ITGA11: variants seen among roughly 807,000 people sequenced by gnomAD.
ITGA11 encodes integrin subunit alpha 11.
A neutral mutation model predicts 141.9 loss-of-function variants in ITGA11; 97 were observed. The observed-to-expected ratio is 0.68, with a 90% confidence interval of 0.58 to 0.81. The LOEUF (loss-of-function observed/expected upper bound fraction) is 0.81, where lower values mean the gene tolerates loss of function less well. Ranked by LOEUF, ITGA11 falls within the 30% of genes least tolerant of loss-of-function variation. The probability of loss-of-function intolerance (pLI) is 0.00; values close to 1 mark genes in which losing one functional copy is unlikely to be tolerated. For synonymous variants in ITGA11, 658 were observed against 624.6 expected (o/e 1.05, Z -0.80); for missense variants, 1,387 against 1,559.2 (o/e 0.89, Z 1.86).
In ITGA11 at chr15:68,401,692, A is replaced by G. The variant is rs566814833; in HGVS notation, c.164+1226T>C. 2.1e-4 allele frequency among the ~76,000 whole-genome samples: 32 copies of G among 152,188 alleles called. No homozygotes were observed. The East Asian group carries it at 6.2e-3, about 29-fold the overall frequency. On this transcript the variant is annotated intron_variant, in intron 2 of 29. Transcript: ENST00000315757. ...CAGCATAGTGGGTCCCTGGAGGGGC[A>G]CTGGCTGGGGCGGGGGTGAGTGGGC...
intron 1 of ITGA11, among the ~76,000 whole-genome samples, chr15:68,430,045 G>A (rs899152071): frequency 6.6e-6 from 1 of 152,142 alleles, no homozygotes; most frequent in African/African-American, 2.4e-5. Flanking sequence ...TTGCACACAC[G>A]CTAGGGCCCC....
intron 2 of ITGA11, among the ~76,000 whole-genome samples, chr15:68,386,399 A>G (rs1386385647): frequency 6.6e-6 from 1 of 152,026 alleles, no homozygotes; most frequent in Non-Finnish European, 1.5e-5. Context: ...AGCCCTTTCC[A>G]TGTCTGGCCA....
chr15:68,326,513 AG>A lies in ITGA11; in HGVS notation c.2211+140del, dbSNP rs569645225. Reference sequence around the variant, plus strand: ...ATGAGGTGGGAATGTGGAGTGGCCAAGGTCAGGGTACACTGTCCCTGGCTGG... The same window carrying A: ...ATGAGGTGGGAATGTGGAGTGGCCAAGTCAGGGTACACTGTCCCTGGCTGG... On this transcript the variant is annotated intron_variant, in intron 17 of 29. Transcript: ENST00000315757. This position sits in a 1 kb window ranked among gnomAD's most constrained non-coding sequence, Gnocchi z 6.8. The A allele has an allele frequency of 1.3e-3, 1,049 of 831,954 alleles. 4 individuals carry two copies. The highest frequency in any genetic ancestry group is 1.8e-3 in the Non-Finnish European group (993 of 553,434). The allele number at this position is 831,954 out of a possible 1,614,324, so 51.5% of individuals were successfully genotyped here. A position where few individuals can be genotyped will look rare whatever the true frequency, so the allele number is the denominator to read the frequency against.
chr15:68,339,744 C>G, intron 10 of ITGA11, 100 bp from the exon 11 acceptor site: 1 of 1,368,888 alleles, frequency 7.3e-7, no homozygotes, highest in Non-Finnish European at 1.0e-6. Context: ...CACCAGCCAC[C>G]TCGGGCACCT....
chr15:68,316,288 C>T (rs1000803615), intron 21 of ITGA11, among the ~76,000 whole-genome samples: 7 of 152,350 alleles, frequency 4.6e-5, no homozygotes, highest in Admixed American at 4.6e-4. Flanking sequence ...CTGACCTGGG[C>T]CCTGATACTC....
rs963196204 is a variant in ITGA11, at chr15:68,300,133, A to C, written c.*2926T>G. 2 of 152,260 alleles carry C rather than the reference A, an allele frequency of 1.3e-5. No homozygotes were observed. The highest frequency in any genetic ancestry group is 2.9e-5 in the Non-Finnish European group (2 of 68,042). The allele number at this position is 152,260 out of a possible 1,614,324, so 9.4% of individuals were successfully genotyped here. On this transcript the variant is annotated 3_prime_UTR_variant, in exon 30 of 30. Transcript: ENST00000315757. ...AATATTAAATCCAGATGGCTGTTCT[A>C]CAAGTTTAATGTGCTTAGAATTACC...
chr15:68,301,448 C>T lies in ITGA11; in HGVS notation c.*1611G>A, dbSNP rs1365551044. ...GAAGCTACAGTGAAACATTTAGGTC[C>T]TAACCGTCCACACTGGCCATAGATG... On this transcript the variant is annotated 3_prime_UTR_variant, in exon 30 of 30. Transcript: ENST00000315757. This position sits in a 1 kb window ranked among gnomAD's most constrained non-coding sequence, Gnocchi z 4.4. The T allele has an allele frequency of 6.6e-6, 1 of 152,250 alleles. No homozygotes were observed. Among genetic ancestry groups the T allele is most frequent in the Non-Finnish European group, 1.5e-5 (1 of 68,094 alleles). The allele number at this position is 152,250 out of a possible 1,614,324, so 9.4% of individuals were successfully genotyped here. A position where few individuals can be genotyped will look rare whatever the true frequency, so the allele number is the denominator to read the frequency against.
At chr15:68,339,793 G>T (rs922142433) in intron 10 of ITGA11, 149 bp from the exon 11 acceptor site, 2 of 831,572 alleles carry the variant, frequency 2.4e-6, no homozygotes, top group Middle Eastern at 3.0e-4. Flanking sequence ...ACTTCTGGCT[G>T]GGGCTCTTGG....
intron 1 of ITGA11, among the ~76,000 whole-genome samples, chr15:68,418,869 G>GC (rs972270327): frequency 2.0e-5 from 3 of 151,690 alleles, no homozygotes; most frequent in South Asian, 2.1e-4. Context: ...TGTGGGATGA[G>GC]CCCCAGCCCA....
intron 2 of ITGA11, among the ~76,000 whole-genome samples, chr15:68,399,089 G>A (rs930110739): frequency 6.6e-6 from 1 of 151,810 alleles, no homozygotes; most frequent in African/African-American, 2.4e-5. Flanking sequence ...AAATTTATAT[G>A]GAAACATAAA....
chr15:68,422,967 T>C (rs1897054868), intron 1 of ITGA11, among the ~76,000 whole-genome samples: 1 of 152,240 alleles, frequency 6.6e-6, no homozygotes, highest in Admixed American at 6.5e-5. Flanking sequence ...TCTCATCTTT[T>C]ATCCCCCAGA....
intron 2 of ITGA11, among the ~76,000 whole-genome samples, chr15:68,370,791 T>C (rs1010112960): frequency 1.3e-5 from 2 of 152,184 alleles, no homozygotes; most frequent in Admixed American, 6.5e-5. Flanking sequence ...TTCCAGCAGC[T>C]TCCCACTGCC....
chr15:68,392,762 C>A (rs1003132533), intron 2 of ITGA11, among the ~76,000 whole-genome samples: 1 of 152,072 alleles, frequency 6.6e-6, no homozygotes, highest in African/African-American at 2.4e-5. Context: ...TTTGAGACCC[C>A]AGAAAATCTA....
chr15:68,359,262 G>A (rs1245653194), intron 5 of ITGA11, among the ~76,000 whole-genome samples: 1 of 152,180 alleles, frequency 6.6e-6, no homozygotes, highest in Non-Finnish European at 1.5e-5. Context: ...AAACCACTGA[G>A]TTAATATGGT....
At chr15:68,365,095 G>A (rs1017644661) in intron 3 of ITGA11, 9 of 965,824 alleles carry the variant, frequency 9.3e-6, no homozygotes, top group South Asian at 4.8e-5. Flanking sequence ...CCAGCCATCC[G>A]ACTGGAGCCC....
chr15:68,413,607 G>C (rs930215745), intron 1 of ITGA11, among the ~76,000 whole-genome samples: 26 of 152,276 alleles, frequency 1.7e-4, no homozygotes, highest in African/African-American at 6.0e-4. Context: ...TGTCCATTGA[G>C]AGCCCCGGTG....
chr15:68,399,184 AAAG>A (rs777356291), intron 2 of ITGA11, among the ~76,000 whole-genome samples: 1 of 152,130 alleles, frequency 6.6e-6, no homozygotes, highest in Non-Finnish European at 1.5e-5. Context: ...ACACTTCTTA[AAAG>A]AAGACATACA....
chr15:68,409,580 T>C (rs1002718930), intron 1 of ITGA11, among the ~76,000 whole-genome samples: 6 of 151,678 alleles, frequency 4.0e-5, no homozygotes, highest in Admixed American at 6.6e-5. Flanking sequence ...ACTACCTGAT[T>C]AGGTAGGTAC....
At chr15:68,365,259 C>T (rs1307944841) in intron 3 of ITGA11, 2 of 985,310 alleles carry the variant, frequency 2.0e-6, no homozygotes, top group Non-Finnish European at 2.4e-6. Context: ...CTCTGCTCAT[C>T]TGAACAATCA....
Sources: allele counts gnomAD v4.1 joint callset (sites outside exome capture counted in the v4.1 genomes callset), GRCh38; gene constraint gnomAD v4.1.1; non-coding constraint Gnocchi (gnomAD v3.1); transcripts MANE v1.5; gene names NCBI Gene and HGNC (gene_info 2026-07-23, HGNC 2026-07-21).